QTGAL: variants seen among roughly 807,000 people sequenced by gnomAD.
The protein encoded by QTGAL is BGnT-like protein 1.
chr17:82,965,902 G>A, the QTGAL span, among the ~76,000 whole-genome samples: 7 of 151,844 alleles, frequency 4.6e-5, no homozygotes, highest in Non-Finnish European at 8.8e-5. Flanking sequence ...CCACGGGGCC[G>A]ACGTGTCCCT....
the QTGAL span, chr17:83,007,298 A>T: frequency 2.0e-6 from 2 of 985,168 alleles, no homozygotes; most frequent in Non-Finnish European, 1.2e-6. Context: ...AGTTTTCCCC[A>T]CACCCAATCT....
chr17:82,993,904 G>T, the QTGAL span, among the ~76,000 whole-genome samples: 1 of 152,070 alleles, frequency 6.6e-6, no homozygotes, highest in South Asian at 2.1e-4. Flanking sequence ...GCTCCTGAAT[G>T]ACAAGTGGGT....
At chr17:82,997,949 C>CTA in the QTGAL span, among the ~76,000 whole-genome samples, 1 of 123,742 alleles carries the variant, frequency 8.1e-6, no homozygotes, top group African/African-American at 3.0e-5. Flanking sequence ...ATATATATAT[C>CTA]TATATCTATC....
the QTGAL span, among the ~76,000 whole-genome samples, chr17:82,970,604 G>GCCGCGACCTCCCCACCCGGCGTGC: frequency 7.0e-6 from 1 of 143,312 alleles, no homozygotes; most frequent in Non-Finnish European, 1.5e-5. Context: ...ACCCGGCGTG[G>GCCGCGACCTCCCCACCCGGCGTGC]CCGCGACCTC....
the QTGAL span, among the ~76,000 whole-genome samples, chr17:83,043,745 T>C: frequency 6.6e-6 from 1 of 151,700 alleles, no homozygotes; most frequent in Non-Finnish European, 1.5e-5. Flanking sequence ...GTCAACAAAA[T>C]TGACAAACCC....
the QTGAL span, among the ~76,000 whole-genome samples, chr17:82,973,988 T>G: frequency 6.6e-6 from 1 of 152,136 alleles, no homozygotes; most frequent in Non-Finnish European, 1.5e-5. Context: ...GCCCAGCCCC[T>G]TGCCCCATGG....
chr17:83,005,897 TG>T, the QTGAL span: 9 of 1,362,704 alleles, frequency 6.6e-6, no homozygotes, highest in South Asian at 1.1e-4. This position sits in a 1 kb window ranked among gnomAD's most constrained non-coding sequence, Gnocchi z 5.6. Context: ...TGCCCCGGAG[TG>T]GGCTCCCAGC....
the QTGAL span, among the ~76,000 whole-genome samples, chr17:82,990,282 G>C: frequency 6.6e-6 from 1 of 152,236 alleles, no homozygotes; most frequent in Non-Finnish European, 1.5e-5. Context: ...GAAGCAGTCA[G>C]TCACTTTGCT....
At chr17:82,971,657 C>CT in the QTGAL span, among the ~76,000 whole-genome samples, 12 of 94,284 alleles carry the variant, frequency 1.3e-4, no homozygotes, top group African/African-American at 2.5e-4. Flanking sequence ...CCACACCACA[C>CT]CACAGGGGCC....
chr17:82,952,552 A>G, the QTGAL span, among the ~76,000 whole-genome samples: 690 of 152,314 alleles, frequency 4.5e-3, 9 homozygotes, highest in African/African-American at 0.015. Context: ...GAGCACCCAG[A>G]TTCATAAAAC....
chr17:82,949,622 G>GC, the QTGAL span: 30 of 152,210 alleles, frequency 2.0e-4, no homozygotes, highest in African/African-American at 7.0e-4. Context: ...GGATACACAA[G>GC]CCCATTCTTC....
the QTGAL span, among the ~76,000 whole-genome samples, chr17:83,008,304 T>C: frequency 3.3e-5 from 5 of 152,212 alleles, no homozygotes; most frequent in African/African-American, 1.2e-4. Flanking sequence ...GCTAATTCAT[T>C]TGAAAGCCTC....
chr17:83,042,300 G>C, the QTGAL span, among the ~76,000 whole-genome samples: 1 of 152,212 alleles, frequency 6.6e-6, no homozygotes, highest in Non-Finnish European at 1.5e-5. Context: ...CTACTGGGTG[G>C]AGGTTGCAGT....
At chr17:82,980,226 A>G in the QTGAL span, among the ~76,000 whole-genome samples, 1 of 152,242 alleles carries the variant, frequency 6.6e-6, no homozygotes, top group Non-Finnish European at 1.5e-5. Context: ...GGACTTCATC[A>G]AAATTAGAAA....
chr17:82,946,704 G>A, the QTGAL span, among the ~76,000 whole-genome samples: 107 of 152,206 alleles, frequency 7.0e-4, no homozygotes, highest in African/African-American at 2.5e-3. Context: ...CTAAAGTGGT[G>A]CTTAAGCGAT....
At chr17:83,000,002 G>A in the QTGAL span, among the ~76,000 whole-genome samples, 1,661 of 152,128 alleles carry the variant, frequency 0.011, 18 homozygotes, top group Middle Eastern at 0.078. Context: ...TCGCTCTGTC[G>A]CCCAGGCTAG....
the QTGAL span, among the ~76,000 whole-genome samples, chr17:83,039,529 TGTTCTAGACACACTGCTGGGCGCCC>T: frequency 1.3e-4 from 15 of 114,574 alleles, no homozygotes; most frequent in African/African-American, 4.7e-4. Context: ...CGCCCGCCCC[TGTTCTAGACACACTGCTGGGCGCCC>T]GCCGCCCGAA....
chr17:83,051,755 C>T, the QTGAL span: 79 of 1,498,072 alleles, frequency 5.3e-5, no homozygotes, highest in African/African-American at 1.1e-3. Context: ...CCTGCATGGC[C>T]TGGCTCTCCT....
At chr17:82,968,064 AAC>A in the QTGAL span, among the ~76,000 whole-genome samples, 2 of 152,388 alleles carry the variant, frequency 1.3e-5, no homozygotes, top group African/African-American at 2.4e-5. Context: ...TAGAGAGTTA[AAC>A]ACAGACTTCC....
Sources: allele counts gnomAD v4.1 joint callset (sites outside exome capture counted in the v4.1 genomes callset), GRCh38; gene constraint gnomAD v4.1.1; non-coding constraint Gnocchi (gnomAD v3.1); transcripts MANE v1.5; gene names NCBI Gene and HGNC (gene_info 2026-07-23, HGNC 2026-07-21).